The following CLNK variants were observed in gnomAD, a reference collection of about 807,000 sequenced individuals.
CLNK encodes cytokine-dependent hematopoietic cell linker.
In CLNK, 74 loss-of-function variants were observed where a neutral mutation model predicts 68.6. That is an observed-to-expected ratio of 1.08 (90% CI 0.89 to 1.31). The LOEUF (loss-of-function observed/expected upper bound fraction) is 1.31. Ranked by LOEUF, CLNK falls within the 50% of genes most tolerant of loss-of-function variation. The pLI is 0.00. For missense variants in CLNK, 553 were observed against 515.3 expected, an observed-to-expected ratio of 1.07 and a Z score of -0.71; for synonymous variants, 198 against 172.2, an observed-to-expected ratio of 1.15 and a Z score of -1.17.
At chr4:10,707,384 G>C in the CLNK span, among the ~76,000 whole-genome samples, 1 of 152,186 alleles carries the variant, frequency 6.6e-6, no homozygotes, top group Non-Finnish European at 1.5e-5. Flanking sequence ...TCAATTGCCA[G>C]TAAGAAAATC....
At chr4:10,562,201 A>C (rs1436088951) in intron 7 of CLNK, among the ~76,000 whole-genome samples, 1 of 151,140 alleles carries the variant, frequency 6.6e-6, no homozygotes, top group African/African-American at 2.4e-5. Flanking sequence ...CCCAGGCTCA[A>C]ATAATCCTCC....
At chr4:10,520,461 TC>T (rs1199335303) in intron 15 of CLNK, among the ~76,000 whole-genome samples, 1 of 152,172 alleles carries the variant, frequency 6.6e-6, no homozygotes, top group African/African-American at 2.4e-5. Context: ...GGAAAACACA[TC>T]TAGGGCAGTT....
chr4:10,579,813 C>T (rs151021723), intron 4 of CLNK, among the ~76,000 whole-genome samples: 75 of 152,296 alleles, frequency 4.9e-4, no homozygotes, highest in African/African-American at 1.7e-3. Flanking sequence ...CTGTGTAGAA[C>T]ACCATGGTGC....
intron 1 of CLNK, among the ~76,000 whole-genome samples, chr4:10,677,669 G>T (rs746502462): frequency 1.3e-4 from 20 of 151,926 alleles, no homozygotes; most frequent in Non-Finnish European, 2.5e-4. Context: ...TCTCTCTCCT[G>T]CTGTCTTGTG....
chr4:10,708,737 G>T, the CLNK span, among the ~76,000 whole-genome samples: 2 of 152,300 alleles, frequency 1.3e-5, no homozygotes, highest in African/African-American at 4.8e-5. Flanking sequence ...GGAAGGCCTG[G>T]AGTGGATAAA....
intron 2 of CLNK, among the ~76,000 whole-genome samples, chr4:10,665,628 C>A (rs1203794313): frequency 2.2e-5 from 3 of 135,508 alleles, no homozygotes; most frequent in Non-Finnish European, 4.6e-5. Context: ...CATGCCACTG[C>A]ACTACAGCCT....
At chr4:10,704,906 T>C in the CLNK span, among the ~76,000 whole-genome samples, 1 of 152,218 alleles carries the variant, frequency 6.6e-6, no homozygotes, top group African/African-American at 2.4e-5. Flanking sequence ...CTTGACTTCT[T>C]CCTCTCTTAA....
At chr4:10,614,974 T>C (rs10938883) in intron 2 of CLNK, among the ~76,000 whole-genome samples, 147,755 of 152,240 alleles carry the variant, frequency 0.97, 71,783 homozygotes, top group East Asian at 1. Context: ...TCACTTTAGG[T>C]CAGGTGTTCG....
chr4:10,514,909 A>G (rs1318211826), intron 15 of CLNK, among the ~76,000 whole-genome samples: 4 of 152,182 alleles, frequency 2.6e-5, no homozygotes, highest in African/African-American at 9.6e-5. Flanking sequence ...AATTTACAAG[A>G]AAAAAACAAA....
At chr4:10,601,006 T>A (rs780739845) in intron 2 of CLNK, among the ~76,000 whole-genome samples, 6 of 152,192 alleles carry the variant, frequency 3.9e-5, no homozygotes, top group African/African-American at 9.7e-5. Flanking sequence ...GATAATCAGC[T>A]TTGGCCTTTT....
At chr4:10,518,998 C>G (rs988005129) in intron 15 of CLNK, among the ~76,000 whole-genome samples, 1 of 152,178 alleles carries the variant, frequency 6.6e-6, no homozygotes, top group Non-Finnish European at 1.5e-5. Flanking sequence ...TGCTTAAGCA[C>G]TGGTTAAGAG....
At chr4:10,708,084 G>T in the CLNK span, among the ~76,000 whole-genome samples, 1 of 152,194 alleles carries the variant, frequency 6.6e-6, no homozygotes, top group Non-Finnish European at 1.5e-5. Context: ...CAAGGCAACA[G>T]TATGAGATTC....
intron 3 of CLNK, among the ~76,000 whole-genome samples, chr4:10,592,919 G>T (rs938482971): frequency 6.6e-6 from 1 of 151,914 alleles, no homozygotes; most frequent in Non-Finnish European, 1.5e-5. Context: ...TAGAGATCAG[G>T]TTTTGCCATG....
intron 14 of CLNK, among the ~76,000 whole-genome samples, chr4:10,522,648 C>G (rs1264835337): frequency 6.6e-6 from 1 of 150,500 alleles, no homozygotes; most frequent in African/African-American, 2.4e-5. Context: ...TGAACACTTA[C>G]TAGGCACATG....
At chr4:10,609,650 C>A (rs1358056034) in intron 2 of CLNK, among the ~76,000 whole-genome samples, 1 of 152,196 alleles carries the variant, frequency 6.6e-6, no homozygotes, top group Non-Finnish European at 1.5e-5. Context: ...ATAACTAATT[C>A]TTGTTTACTG....
intron 4 of CLNK, among the ~76,000 whole-genome samples, chr4:10,582,328 A>T (rs1720812447): frequency 6.6e-6 from 1 of 152,148 alleles, no homozygotes; most frequent in African/African-American, 2.4e-5. Context: ...ATCCTTATTA[A>T]TTTTTCTTTT....
intron 5 of CLNK, among the ~76,000 whole-genome samples, chr4:10,570,208 C>A (rs1470919207): frequency 6.6e-6 from 1 of 152,186 alleles, no homozygotes; most frequent in Non-Finnish European, 1.5e-5. Context: ...TGGGGGAAGT[C>A]TTGGACCTGC....
intron 2 of CLNK, among the ~76,000 whole-genome samples, chr4:10,646,860 A>C (rs1413527063): frequency 6.6e-6 from 1 of 152,224 alleles, no homozygotes; most frequent in East Asian, 1.9e-4. Flanking sequence ...CAAACTGTGC[A>C]TGATTTCACA....
chr4:10,564,666 C>A lies in CLNK; in HGVS notation c.399+5G>T. 1.3e-6 allele frequency: 2 copies of A among 1,594,380 alleles called. No individual in the cohort carries two copies. Among genetic ancestry groups the A allele is most frequent in the Non-Finnish European group, 1.7e-6 (2 of 1,162,130 alleles). On this transcript the variant is annotated splice_donor_5th_base_variant and intron_variant, in intron 7 of 18. Transcript: ENST00000226951. The stretch of plus-strand genomic sequence containing the variant: ...TTTGTGTCACAATGTCCAGTCTTTA[C>A]TCACTCTTTCCAACCTCGTCTGTGT...
Sources: allele counts gnomAD v4.1 joint callset (sites outside exome capture counted in the v4.1 genomes callset), GRCh38; gene constraint gnomAD v4.1.1; transcripts MANE v1.5; gene names NCBI Gene and HGNC (gene_info 2026-07-23, HGNC 2026-07-21).